The following KCNH8 variants were observed in gnomAD, a reference collection of about 807,000 sequenced individuals.
KCNH8 encodes the protein potassium voltage-gated channel subfamily H member 8.
Under a neutral mutation model 103.6 loss-of-function variants are expected in KCNH8, and 70 were observed. The observed-to-expected ratio is 0.68, with a 90% CI of 0.56 to 0.82. The LOEUF (loss-of-function observed/expected upper bound fraction) is 0.82, where lower values mean the gene tolerates loss of function less well. Ranked by LOEUF, KCNH8 falls within the 40% of genes least tolerant of loss-of-function variation. The pLI is 0.00. For synonymous variants in KCNH8, 498 were observed against 489.4 expected (o/e 1.02, Z -0.23); for missense variants, 1,217 against 1,329.9 (o/e 0.92, Z 1.32).
chr3:19,363,591 A>G (rs1251329386), intron 5 of KCNH8, among the ~76,000 whole-genome samples: 1 of 152,154 alleles, frequency 6.6e-6, no homozygotes, highest in South Asian at 2.1e-4. Flanking sequence ...TCTCCTCTTT[A>G]TTGTGCATAA....
At chr3:19,373,636 C>G (rs1342927794) in intron 5 of KCNH8, among the ~76,000 whole-genome samples, 1 of 151,800 alleles carries the variant, frequency 6.6e-6, no homozygotes, top group Non-Finnish European at 1.5e-5. Flanking sequence ...TTAGTTATTT[C>G]TTGCCTTCTG....
chr3:19,348,081 C>T, intron 5 of KCNH8, 116 bp downstream of exon 5: 1 of 1,296,452 alleles, frequency 7.7e-7, no homozygotes, highest in Non-Finnish European at 1.1e-6. Flanking sequence ...GATTCAGCCT[C>T]TGTTGCAAAT....
chr3:19,408,843 A>G (rs1433560411), intron 7 of KCNH8, among the ~76,000 whole-genome samples: 1 of 152,180 alleles, frequency 6.6e-6, no homozygotes, highest in Non-Finnish European at 1.5e-5. Flanking sequence ...AAAAATGATC[A>G]AAATCTTTGA....
Position 19,534,051 on chromosome 3 carries a change from TG to T in KCNH8, c.3277del (p.Val1093SerfsTer7), listed in dbSNP as rs2069223015. The T allele has an allele frequency of 8.7e-6, 14 of 1,614,028 alleles. No individual in the cohort carries two copies. Among genetic ancestry groups the T allele is most frequent in the Non-Finnish European group, 1.1e-5 (13 of 1,180,030 alleles). On this transcript the variant is annotated frameshift_variant, in exon 16 of 16. Coordinates refer to ENST00000328405, the MANE Select transcript of KCNH8 (RefSeq NM_144633.3). LOFTEE classifies it high-confidence loss of function. ...CTTTGGAGAACCTTCCACTGGAAGTTGTCACAAGCACAGCAGAAGTGAAAGA... is the reference window on the plus strand; with the variant it reads ...CTTTGGAGAACCTTCCACTGGAAGTTTCACAAGCACAGCAGAAGTGAAAGA... ...KPLENLPLEV[V>X]TSTAEVKDNK... is the part of the protein sequence containing the mutation.
intron 3 of KCNH8, among the ~76,000 whole-genome samples, chr3:19,294,687 A>T (rs1161912718): frequency 6.6e-6 from 1 of 152,180 alleles, no homozygotes; most frequent in African/African-American, 2.4e-5. Context: ...TTTTCTCCCA[A>T]AACCTTTTAA....
intron 7 of KCNH8, among the ~76,000 whole-genome samples, chr3:19,405,131 G>A (rs190788700): frequency 6.6e-6 from 1 of 151,780 alleles, no homozygotes; most frequent in Non-Finnish European, 1.5e-5. Context: ...GAGACTTTTT[G>A]TCCAGTTCAT....
At chr3:19,304,893 C>T (rs1235927999) in intron 3 of KCNH8, among the ~76,000 whole-genome samples, 6 of 151,736 alleles carry the variant, frequency 4.0e-5, no homozygotes, top group East Asian at 1.9e-4. Context: ...TGTTGCTAGC[C>T]GCCACTGTAT....
rs548982986 is a variant in KCNH8, at chr3:19,155,514, G to A, written c.76+6719G>A. Reference sequence around the variant, plus strand: ...TACCACTTAATCATGTAACACTCCTGCTTAGAGCCATCCGTTGGCTCCCTG... The same window carrying A: ...TACCACTTAATCATGTAACACTCCTACTTAGAGCCATCCGTTGGCTCCCTG... On this transcript the variant is annotated intron_variant, in intron 1 of 15. Coordinates refer to ENST00000328405, the MANE Select transcript of KCNH8 (RefSeq NM_144633.3). Among the ~76,000 whole-genome samples, 9 of 152,244 alleles carry A rather than the reference G, an allele frequency of 5.9e-5. No individual in the cohort carries two copies. The South Asian group carries it at 1.2e-3, about 21-fold the overall frequency.
intron 1 of KCNH8, among the ~76,000 whole-genome samples, chr3:19,232,319 T>G (rs2064005040): frequency 6.6e-6 from 1 of 152,196 alleles, no homozygotes; most frequent in Non-Finnish European, 1.5e-5. Flanking sequence ...TATCCTTCAC[T>G]GAGAATCTGG....
intron 2 of KCNH8, among the ~76,000 whole-genome samples, chr3:19,269,465 T>G (rs551223021): frequency 2.5e-4 from 38 of 152,226 alleles, no homozygotes; most frequent in African/African-American, 8.7e-4. Flanking sequence ...AAACTCAGAA[T>G]GTGTTTTGAG....
In KCNH8 at chr3:19,351,823, G is replaced by T. The variant is rs548628717; in HGVS notation, c.811+3858G>T. On this transcript the variant is annotated intron_variant, in intron 5 of 15. Transcript: ENST00000328405. ...ACCATCGAGGCTGGGAAGAAACTGC[G>T]TCAACTAACAAGCAAAATAACCAGC... Among the ~76,000 whole-genome samples, 4 of 152,032 alleles carry T rather than the reference G, an allele frequency of 2.6e-5. No individual in the cohort carries two copies. In the East Asian group the frequency reaches 7.7e-4, roughly 29 times the overall value.
At chr3:19,370,022 C>A (rs2066065943) in intron 5 of KCNH8, among the ~76,000 whole-genome samples, 1 of 151,950 alleles carries the variant, frequency 6.6e-6, no homozygotes, top group African/African-American at 2.4e-5. Flanking sequence ...CTGCTTAAAT[C>A]CCTTCCATCA....
chr3:19,521,927 A>G (rs1207970771), intron 15 of KCNH8, among the ~76,000 whole-genome samples: 1 of 151,942 alleles, frequency 6.6e-6, no homozygotes, highest in African/African-American at 2.4e-5. Context: ...ATGGAAAATA[A>G]CCTGCCAAGC....
intron 1 of KCNH8, among the ~76,000 whole-genome samples, chr3:19,219,667 C>T (rs2063852709): frequency 6.6e-6 from 1 of 152,218 alleles, no homozygotes; most frequent in Non-Finnish European, 1.5e-5. Context: ...ATGCCATCTT[C>T]ATGATGACTG....
chr3:19,449,056 T>C, intron 8 of KCNH8: 1 of 877,532 alleles, frequency 1.1e-6, no homozygotes, highest in Non-Finnish European at 1.6e-6. Context: ...TGATGATACC[T>C]AGATGCTTCC....
intron 2 of KCNH8, among the ~76,000 whole-genome samples, chr3:19,269,900 C>G (rs1423648809): frequency 6.6e-6 from 1 of 152,088 alleles, no homozygotes; most frequent in Admixed American, 6.6e-5. Flanking sequence ...ACAGTGTTGT[C>G]TGATTGGATG....
At chr3:19,447,671 G>C (rs1352605434) in intron 8 of KCNH8, among the ~76,000 whole-genome samples, 2 of 151,972 alleles carry the variant, frequency 1.3e-5, no homozygotes, top group African/African-American at 4.8e-5. Context: ...CTTTGACTTG[G>C]AGCAGAATCA....
chr3:19,192,511 A>G (rs1016092393), intron 1 of KCNH8, among the ~76,000 whole-genome samples: 2 of 151,566 alleles, frequency 1.3e-5, no homozygotes. Context: ...ATATTAGTCT[A>G]TTTCCATCTG....
intron 12 of KCNH8, among the ~76,000 whole-genome samples, chr3:19,511,324 C>G (rs2068780109): frequency 6.6e-6 from 1 of 152,058 alleles, no homozygotes; most frequent in African/African-American, 2.4e-5. Context: ...TCCAAGACAC[C>G]AAGTCTCCAT....
Sources: allele counts gnomAD v4.1 joint callset (sites outside exome capture counted in the v4.1 genomes callset), GRCh38; gene constraint gnomAD v4.1.1; transcripts MANE v1.5; gene names NCBI Gene and HGNC (gene_info 2026-07-23, HGNC 2026-07-21).